The following SEMA3C variants were observed in gnomAD, a reference collection of about 807,000 sequenced individuals.
SEMA3C encodes the protein semaphorin 3C.
Under a neutral mutation model 89.4 loss-of-function variants are expected in SEMA3C, and 47 were observed. The ratio of observed to expected loss-of-function variants is 0.53; its 90% confidence interval spans 0.42 to 0.67. The LOEUF is 0.67. Ranked by LOEUF, SEMA3C falls within the 30% of genes least tolerant of loss-of-function variation. SEMA3C has a pLI of 0.00. For missense variants in SEMA3C, 839 were observed against 929.1 expected, an observed-to-expected ratio of 0.90 and a Z score of 1.26; for synonymous variants, 310 against 320.2, an observed-to-expected ratio of 0.97 and a Z score of 0.34.
chr7:80,842,587 G>A (rs1790295060), intron 2 of SEMA3C, among the ~76,000 whole-genome samples: 1 of 152,074 alleles, frequency 6.6e-6, no homozygotes, highest in East Asian at 1.9e-4. Flanking sequence ...AATCCAGTTT[G>A]ACCTAAGTAT....
intron 2 of SEMA3C, among the ~76,000 whole-genome samples, chr7:80,892,195 A>G (rs1791631530): frequency 2.0e-5 from 3 of 152,216 alleles, no homozygotes; most frequent in Admixed American, 2.0e-4. Flanking sequence ...GCAATAAACT[A>G]CTACTTGCCA....
intron 4 of SEMA3C, among the ~76,000 whole-genome samples, chr7:80,820,008 A>G (rs1288234182): frequency 5.3e-5 from 8 of 151,964 alleles, no homozygotes; most frequent in Admixed American, 4.6e-4. Context: ...CTGGGTGGTC[A>G]GAAAATATAT....
rs750872844 is a variant in SEMA3C at position 80,805,745 on chromosome 7, G to C, written c.552C>G (p.Phe184Leu). The C allele has an allele frequency of 1.9e-6, 3 of 1,594,530 alleles. No individual in the cohort carries two copies. The highest frequency in any genetic ancestry group is 1.7e-6 in the Non-Finnish European group (2 of 1,169,998). ...CCATGAAATCTATATACATTCCAGAGAAAAGCTCCTCATCTATGAAAAAGA... is the reference window on the plus strand; with the variant it reads ...CCATGAAATCTATATACATTCCAGACAAAAGCTCCTCATCTATGAAAAAGA... Reference protein sequence around the residue: ...TVSVMINEELFSGMYIDFMGT... With the variant: ...TVSVMINEELLSGMYIDFMGT... The change falls in exon 7 of 18, where the codon TTC (phenylalanine) becomes TTG (leucine). Residue 184 changes from phenylalanine to leucine, a missense_variant. Physicochemically the swap from Phe to Leu is conservative, Grantham distance 22. Coordinates refer to ENST00000265361, the MANE Select transcript of SEMA3C (RefSeq NM_006379.5).
intron 2 of SEMA3C, among the ~76,000 whole-genome samples, chr7:80,880,944 A>G (rs940577703): frequency 9.2e-5 from 14 of 152,104 alleles, no homozygotes; most frequent in African/African-American, 2.9e-4. Flanking sequence ...AAACAAAAAC[A>G]GAAGTAAATC....
intron 2 of SEMA3C, among the ~76,000 whole-genome samples, chr7:80,875,062 C>A (rs930318921): frequency 6.7e-6 from 1 of 149,330 alleles, no homozygotes; most frequent in African/African-American, 2.5e-5. Context: ...CCAGCCTGGG[C>A]GATGGAGCAA....
chr7:80,849,271 A>C (rs111380791), intron 2 of SEMA3C, among the ~76,000 whole-genome samples: 2,307 of 152,232 alleles, frequency 0.015, 28 homozygotes, highest in Middle Eastern at 0.024. Context: ...TACAATTTCA[A>C]ACCCAACAAG....
chr7:80,886,540 G>A (rs1042265846), intron 2 of SEMA3C, among the ~76,000 whole-genome samples: 3 of 152,010 alleles, frequency 2.0e-5, no homozygotes, highest in East Asian at 1.9e-4. Flanking sequence ...TTTTAGTACA[G>A]ATGGGGTTTC....
intron 2 of SEMA3C, among the ~76,000 whole-genome samples, chr7:80,864,216 G>C (rs370253383): frequency 6.6e-6 from 1 of 151,872 alleles, no homozygotes. Flanking sequence ...CGTTAAGAAT[G>C]AGACAATGGA....
intron 5 of SEMA3C, chr7:80,816,154 A>G (rs1036793373): frequency 2.0e-5 from 3 of 152,150 alleles, no homozygotes; most frequent in Non-Finnish European, 1.5e-5. Flanking sequence ...CTCGCAAATA[A>G]TAGAAGAGAA....
At chr7:80,799,493 A>G (rs1789146715) in intron 10 of SEMA3C, among the ~76,000 whole-genome samples, 1 of 152,184 alleles carries the variant, frequency 6.6e-6, no homozygotes, top group African/African-American at 2.4e-5. Flanking sequence ...TGGGCATCCC[A>G]GAGAAGTGAG....
intron 2 of SEMA3C, among the ~76,000 whole-genome samples, chr7:80,912,320 T>C (rs1025276601): frequency 2.6e-5 from 4 of 152,230 alleles, no homozygotes; most frequent in African/African-American, 7.2e-5. Context: ...TATTATTTTA[T>C]TTTGATTACC....
intron 12 of SEMA3C, among the ~76,000 whole-genome samples, chr7:80,766,383 G>C (rs1326914821): frequency 2.0e-5 from 3 of 152,104 alleles, no homozygotes; most frequent in Non-Finnish European, 4.4e-5. Context: ...TGGAGGCAGG[G>C]AACATAAAGC....
At chr7:80,774,856 T>A (rs1648890604) in intron 12 of SEMA3C, among the ~76,000 whole-genome samples, 1 of 151,944 alleles carries the variant, frequency 6.6e-6, no homozygotes, top group Non-Finnish European at 1.5e-5. Flanking sequence ...ATTACAGATA[T>A]AAGGATTCAT....
chr7:80,888,708 T>G (rs1477011552), intron 2 of SEMA3C, among the ~76,000 whole-genome samples: 1 of 152,078 alleles, frequency 6.6e-6, no homozygotes, highest in Non-Finnish European at 1.5e-5. Flanking sequence ...ATACCAAGAT[T>G]TTATATACAG....
chr7:80,772,779 T>A (rs1380248655), intron 12 of SEMA3C, among the ~76,000 whole-genome samples: 1 of 151,906 alleles, frequency 6.6e-6, no homozygotes. Flanking sequence ...ATGAGGAAAA[T>A]AGTGTACTCA....
rs140963601 is a variant in SEMA3C, at chr7:80,896,673, C to A, written c.103+20006G>T. Among the ~76,000 whole-genome samples, 1,058 of 152,232 alleles carry A rather than the reference C, an allele frequency of 6.9e-3. 11 individuals are homozygous for A. The highest frequency in any genetic ancestry group is 0.024 in the African/African-American group (1,012 of 41,544). On this transcript the variant is annotated intron_variant, in intron 2 of 17. Coordinates refer to ENST00000265361, the MANE Select transcript of SEMA3C (RefSeq NM_006379.5). Reference sequence around the variant, plus strand: ...GGATCTCTTGTGACCCTCCATCAGTCCTGGTTGTTGTTTCTTCACAACTTG... The same window carrying A: ...GGATCTCTTGTGACCCTCCATCAGTACTGGTTGTTGTTTCTTCACAACTTG...
chr7:80,843,566 T>G lies in SEMA3C; in HGVS notation c.104-14821A>C, dbSNP rs866973661. 3.3e-5 allele frequency among the ~76,000 whole-genome samples: 5 copies of G among 152,120 alleles called. No individual in the cohort carries two copies. The East Asian group carries it at 9.7e-4, about 29-fold the overall frequency. Reference sequence around the variant, plus strand: ...CTATCTCATGGGACCATTGTGCTAATTGAATGAGAAAGTAAGTGTGAAACA... The same window carrying G: ...CTATCTCATGGGACCATTGTGCTAAGTGAATGAGAAAGTAAGTGTGAAACA... On this transcript the variant is annotated intron_variant, in intron 2 of 17. Transcript: ENST00000265361.
rs572957615 is a variant in SEMA3C at position 80,832,953 on chromosome 7, C to T, written c.104-4208G>A. On this transcript the variant is annotated intron_variant, in intron 2 of 17. Coordinates refer to ENST00000265361, the MANE Select transcript of SEMA3C (RefSeq NM_006379.5). The stretch of plus-strand genomic sequence containing the variant: ...ATCACGACTTTCTCACACTTTCTAT[C>T]ATGAAGAAAGTTTAGTTTTGATGTT... Among the ~76,000 whole-genome samples the T allele has an allele frequency of 1.0e-3, 153 of 152,304 alleles. 1 individual carries two copies. Among genetic ancestry groups the T allele is most frequent in the African/African-American group, 3.6e-3 (149 of 41,572 alleles).
chr7:80,869,707 C>A (rs1791012126), intron 2 of SEMA3C, among the ~76,000 whole-genome samples: 2 of 152,114 alleles, frequency 1.3e-5, no homozygotes, highest in Non-Finnish European at 2.9e-5. Context: ...GCTAGATTTT[C>A]TTTCTCCTGT....
Sources: allele counts gnomAD v4.1 joint callset (sites outside exome capture counted in the v4.1 genomes callset), GRCh38; gene constraint gnomAD v4.1.1; transcripts MANE v1.5; gene names NCBI Gene and HGNC (gene_info 2026-07-23, HGNC 2026-07-21).